CACNA2D1: variants seen among roughly 807,000 people sequenced by gnomAD.
CACNA2D1 encodes the protein voltage-dependent calcium channel subunit alpha-2/delta-1.
In CACNA2D1, 53 loss-of-function variants were observed where a neutral mutation model predicts 171.5. The ratio of observed to expected loss-of-function variants is 0.31; its 90% confidence interval spans 0.25 to 0.39. The LOEUF is 0.39. Ranked by LOEUF, CACNA2D1 falls within the 10% of genes least tolerant of loss-of-function variation. The pLI is 1.00. For missense variants in CACNA2D1, 903 were observed against 1,299.8 expected, an observed-to-expected ratio of 0.69 and a Z score of 4.69; for synonymous variants, 442 against 443.1, an observed-to-expected ratio of 1.00 and a Z score of 0.03.
intron 1 of CACNA2D1, among the ~76,000 whole-genome samples, chr7:82,404,490 T>C (rs1422363273): frequency 1.3e-5 from 2 of 152,214 alleles, no homozygotes; most frequent in Non-Finnish European, 2.9e-5. Context: ...GGTGAATTGT[T>C]AACTAGCTTA....
intron 3 of CACNA2D1, among the ~76,000 whole-genome samples, chr7:82,238,353 T>C (rs1312889177): frequency 1.3e-5 from 2 of 151,956 alleles, no homozygotes; most frequent in African/African-American, 2.4e-5. Context: ...CAAGTAGACA[T>C]TCGCAAACAC....
chr7:81,967,748 A>G, intron 29 of CACNA2D1, 85 bp from the exon 30 acceptor site: 2 of 695,706 alleles, frequency 2.9e-6, no homozygotes, highest in South Asian at 3.3e-5. Flanking sequence ...GATAGCAAGT[A>G]TCAGACTATA....
chr7:82,192,984 A>G (rs2129189256), intron 3 of CACNA2D1, among the ~76,000 whole-genome samples: 1 of 151,928 alleles, frequency 6.6e-6, no homozygotes, highest in African/African-American at 2.4e-5. Flanking sequence ...TCGTCTTGAA[A>G]GCATCAGTTA....
intron 1 of CACNA2D1, among the ~76,000 whole-genome samples, chr7:82,396,950 C>T (rs916607310): frequency 6.6e-6 from 1 of 152,206 alleles, no homozygotes; most frequent in African/African-American, 2.4e-5. Flanking sequence ...CCAGTCACAT[C>T]TTTCCAACCA....
chr7:82,221,891 GAAA>G (rs1228238326), intron 3 of CACNA2D1, among the ~76,000 whole-genome samples: 2 of 148,896 alleles, frequency 1.3e-5, no homozygotes, highest in African/African-American at 4.9e-5. Flanking sequence ...TTGACATGAA[GAAA>G]AAAACTCAGT....
intron 4 of CACNA2D1, among the ~76,000 whole-genome samples, chr7:82,168,114 C>T (rs1385995330): frequency 6.6e-6 from 1 of 151,956 alleles, no homozygotes; most frequent in Non-Finnish European, 1.5e-5. Context: ...CATACAATTG[C>T]TGATGCATCA....
chr7:82,171,960 T>A (rs552753038), intron 3 of CACNA2D1, among the ~76,000 whole-genome samples: 4 of 151,902 alleles, frequency 2.6e-5, no homozygotes, highest in African/African-American at 9.7e-5. Context: ...AGTTTTTATA[T>A]TAATGTATTG....
intron 3 of CACNA2D1, among the ~76,000 whole-genome samples, chr7:82,296,733 T>C (rs750245905): frequency 1.3e-5 from 2 of 152,164 alleles, no homozygotes; most frequent in African/African-American, 2.4e-5. Flanking sequence ...ATTTGTTATA[T>C]AGTATTCTGA....
At chr7:82,042,510 T>C (rs1474356649) in intron 10 of CACNA2D1, among the ~76,000 whole-genome samples, 2 of 152,180 alleles carry the variant, frequency 1.3e-5, no homozygotes, top group Non-Finnish European at 2.9e-5. Context: ...AAATCCAAAC[T>C]AACATCACAT....
chr7:82,139,373 G>C (rs536578759), intron 4 of CACNA2D1, among the ~76,000 whole-genome samples: 1 of 152,218 alleles, frequency 6.6e-6, no homozygotes, highest in East Asian at 1.9e-4. Flanking sequence ...ATCCTGTTAA[G>C]AGCTATGCAT....
At chr7:81,954,320 T>A (rs1792959582) in intron 38 of CACNA2D1, among the ~76,000 whole-genome samples, 1 of 151,906 alleles carries the variant, frequency 6.6e-6, no homozygotes, top group Non-Finnish European at 1.5e-5. Flanking sequence ...ATATATTTAT[T>A]TTAAAATATG....
At chr7:82,271,667 T>C (rs954193248) in intron 3 of CACNA2D1, among the ~76,000 whole-genome samples, 1 of 152,004 alleles carries the variant, frequency 6.6e-6, no homozygotes, top group African/African-American at 2.4e-5. Context: ...TATTTGGAAG[T>C]TGAGAAAAAA....
intron 4 of CACNA2D1, among the ~76,000 whole-genome samples, chr7:82,156,136 G>C (rs1257216398): frequency 6.6e-6 from 1 of 152,024 alleles, no homozygotes; most frequent in Non-Finnish European, 1.5e-5. Flanking sequence ...ATATTTAATG[G>C]CATACTTTTA....
intron 38 of CACNA2D1, among the ~76,000 whole-genome samples, chr7:81,955,920 G>GT (rs1793229386): frequency 4.0e-5 from 2 of 49,980 alleles, no homozygotes. Context: ...GGGGGGGGGG[G>GT]TGGTGGTCTT....
intron 18 of CACNA2D1, among the ~76,000 whole-genome samples, chr7:81,999,471 G>A (rs528398994): frequency 8.5e-5 from 13 of 152,174 alleles, no homozygotes; most frequent in African/African-American, 2.4e-4. Flanking sequence ...TTGTGGAAAC[G>A]AAAGAATGAA....
chr7:82,015,551 A>C (rs1425340812), intron 12 of CACNA2D1, among the ~76,000 whole-genome samples: 1 of 152,122 alleles, frequency 6.6e-6, no homozygotes, highest in East Asian at 1.9e-4. Flanking sequence ...TACTTAATAA[A>C]ATTATTTTTA....
intron 1 of CACNA2D1, among the ~76,000 whole-genome samples, chr7:82,426,423 T>A (rs1043400352): frequency 1.3e-5 from 2 of 152,152 alleles, no homozygotes; most frequent in Non-Finnish European, 2.9e-5. Flanking sequence ...AAATGCCTTA[T>A]GAGCTCAGAT....
At chr7:82,430,385 T>C (rs192493000) in intron 1 of CACNA2D1, among the ~76,000 whole-genome samples, 2 of 136,940 alleles carry the variant, frequency 1.5e-5, no homozygotes, top group Non-Finnish European at 3.0e-5. Flanking sequence ...GCAGTTGCAC[T>C]CCAGCCTGGG....
chr7:82,066,878 C>T (rs182798439), intron 7 of CACNA2D1, among the ~76,000 whole-genome samples: 8 of 152,130 alleles, frequency 5.3e-5, no homozygotes, highest in Non-Finnish European at 2.9e-5. Flanking sequence ...ATTGTGCTTT[C>T]AATTATTTCC....
Sources: gnomAD v4.1 joint callset for allele counts (sites outside exome capture counted in the v4.1 genomes callset) on GRCh38, gnomAD v4.1.1 for gene constraint, MANE v1.5 for transcripts, NCBI Gene and HGNC (gene_info 2026-07-23, HGNC 2026-07-21) for gene names.